Variants in DLGAP1 observed in about 807,000 individuals in gnomAD.
DLGAP1 encodes the protein DLG associated protein 1, also known as disks large-associated protein 1.
DLGAP1 carries 11 observed loss-of-function variants against 90.8 expected under a neutral mutation model. That is an observed-to-expected ratio of 0.12 (90% confidence interval 0.08 to 0.20). The LOEUF (loss-of-function observed/expected upper bound fraction) is 0.20, where lower values mean the gene tolerates loss of function less well. Ranked by LOEUF, DLGAP1 falls within the 10% of genes least tolerant of loss-of-function variation. DLGAP1 has a pLI of 1.00. For synonymous variants in DLGAP1, 558 were observed against 540.7 expected, an observed-to-expected ratio of 1.03 and a Z score of -0.44; for missense variants, 1,050 against 1,333.8, an observed-to-expected ratio of 0.79 and a Z score of 3.31.
At position 3,498,995 on chromosome 18, in the gene DLGAP1, C is replaced by G. The variant is rs2049786543; in HGVS notation, c.*190G>C. On this transcript the variant is annotated 3_prime_UTR_variant, in exon 13 of 13. Transcript: ENST00000315677. ...CTCGGTGAAGAAGGAGATGGGCAAA[C>G]GGGTACGGGAAGTGGGGGGCTGAGG... is the stretch of plus-strand genomic sequence containing the variant. 1 of 559,170 alleles carries G rather than the reference C, an allele frequency of 1.8e-6. No individual in the cohort carries two copies. The highest frequency in any genetic ancestry group is 3.1e-6 in the Non-Finnish European group (1 of 324,396). The allele number at this position is 559,170 out of a possible 1,614,324, so 34.6% of individuals were successfully genotyped here.
chr18:4,080,081 G>A (rs57927418), intron 2 of DLGAP1, among the ~76,000 whole-genome samples: 4,987 of 152,180 alleles, frequency 0.033, 273 homozygotes, highest in African/African-American at 0.11. Flanking sequence ...GCTTGATGAC[G>A]TCTAGTGAAA....
chr18:4,096,922 G>A (rs2075690502), intron 2 of DLGAP1, among the ~76,000 whole-genome samples: 1 of 152,220 alleles, frequency 6.6e-6, no homozygotes, highest in African/African-American at 2.4e-5. Context: ...CATGAATTAA[G>A]TTAATGAAAG....
intron 1 of DLGAP1, among the ~76,000 whole-genome samples, chr18:4,431,572 T>C (rs1401182430): frequency 1.3e-5 from 2 of 152,216 alleles, no homozygotes; most frequent in East Asian, 3.9e-4. Context: ...AAAACCATCC[T>C]CTTTGAGGTG....
intron 1 of DLGAP1, among the ~76,000 whole-genome samples, chr18:4,163,748 G>C (rs2076886357): frequency 6.6e-6 from 1 of 152,164 alleles, no homozygotes; most frequent in Admixed American, 6.5e-5. Context: ...AAAGTTTGTA[G>C]GGCCATCTCT....
rs1568276685 is a variant in DLGAP1 at position 3,880,963 on chromosome 18, A to AAAAAG, written c.-72-828_-72-824dup. ...ATCTCAGAAAAAAAAAAAAAAAAAA[A>AAAAAG]AAAAGAAAAAGAAAACTAGGAAAAG... On this transcript the variant is annotated intron_variant, in intron 3 of 12. Coordinates refer to ENST00000315677, the MANE Select transcript of DLGAP1 (RefSeq NM_004746.4). 4.6e-5 allele frequency among the ~76,000 whole-genome samples: 7 copies of AAAAAG among 150,578 alleles called. No individual in the cohort carries two copies. The East Asian group carries it at 5.9e-4, about 13-fold the overall frequency.
chr18:3,965,277 G>A (rs2073298568), intron 3 of DLGAP1, among the ~76,000 whole-genome samples: 2 of 152,174 alleles, frequency 1.3e-5, no homozygotes, highest in Non-Finnish European at 2.9e-5. Flanking sequence ...TGGAGGACCT[G>A]AATGAAAGAC....
chr18:3,671,609 C>G (rs1184994896), intron 7 of DLGAP1, among the ~76,000 whole-genome samples: 1 of 152,150 alleles, frequency 6.6e-6, no homozygotes, highest in Non-Finnish European at 1.5e-5. Context: ...TAAGATGGAG[C>G]CAGTTGTTTT....
chr18:3,866,527 C>T (rs2070395243), intron 4 of DLGAP1, among the ~76,000 whole-genome samples: 1 of 152,114 alleles, frequency 6.6e-6, no homozygotes, highest in Non-Finnish European at 1.5e-5. Context: ...GTTCTTGCGT[C>T]CATGTGAGTA....
At chr18:3,900,869 T>A (rs941972083) in intron 3 of DLGAP1, among the ~76,000 whole-genome samples, 1 of 152,172 alleles carries the variant, frequency 6.6e-6, no homozygotes, top group Non-Finnish European at 1.5e-5. Context: ...AGAAATGGTT[T>A]AAAAGATATT....
intron 1 of DLGAP1, among the ~76,000 whole-genome samples, chr18:4,345,216 C>T (rs2081280972): frequency 1.3e-5 from 2 of 151,774 alleles, no homozygotes; most frequent in Non-Finnish European, 2.9e-5. Flanking sequence ...CATGGCTCCC[C>T]TTTTTTTTAA....
At chr18:3,856,212 G>A (rs993846062) in intron 4 of DLGAP1, among the ~76,000 whole-genome samples, 54 of 152,082 alleles carry the variant, frequency 3.6e-4, no homozygotes, top group Admixed American at 2.9e-3. Flanking sequence ...AGGTTACTAA[G>A]TAAATACAAA....
chr18:3,743,487 TG>T (rs1031184801), intron 5 of DLGAP1, among the ~76,000 whole-genome samples: 3 of 151,118 alleles, frequency 2.0e-5, no homozygotes, highest in African/African-American at 7.3e-5. Context: ...CCCGAGTAGC[TG>T]GGACTACAGG....
intron 2 of DLGAP1, among the ~76,000 whole-genome samples, chr18:4,048,526 T>A (rs539794205): frequency 5.3e-5 from 8 of 152,292 alleles, no homozygotes; most frequent in African/African-American, 1.9e-4. Flanking sequence ...ACTCATCCAG[T>A]GTAATAATTT....
At chr18:3,821,606 GTGT>G (rs1411875408) in intron 4 of DLGAP1, among the ~76,000 whole-genome samples, 3 of 152,208 alleles carry the variant, frequency 2.0e-5, no homozygotes, top group Non-Finnish European at 2.9e-5. Context: ...AAGTGAAAGA[GTGT>G]TGTTGTTTCC....
chr18:4,243,321 A>G (rs1354858373), intron 1 of DLGAP1, among the ~76,000 whole-genome samples: 1 of 152,214 alleles, frequency 6.6e-6, no homozygotes, highest in African/African-American at 2.4e-5. Flanking sequence ...CAAAACTCAT[A>G]AGTCTGATTG....
At chr18:3,600,973 GAT>G (rs1362666723) in intron 7 of DLGAP1, among the ~76,000 whole-genome samples, 1 of 109,056 alleles carries the variant, frequency 9.2e-6, no homozygotes, top group Non-Finnish European at 1.9e-5. Flanking sequence ...TATATAGATA[GAT>G]ATATAGATAT....
chr18:3,758,337 A>G (rs1035260832), intron 5 of DLGAP1, among the ~76,000 whole-genome samples: 14 of 152,150 alleles, frequency 9.2e-5, no homozygotes, highest in Non-Finnish European at 2.1e-4. Context: ...GTGACTTTAA[A>G]CTCTTGGGAT....
Position 3,879,672 on chromosome 18 carries a change from C to T in DLGAP1, c.397G>A (p.Asp133Asn), listed in dbSNP as rs1426750104. The T allele has an allele frequency of 1.9e-6, 3 of 1,606,512 alleles. No homozygotes were observed. In the South Asian group the frequency reaches 3.3e-5, roughly 18 times the overall value. The change falls in exon 4 of 13, where the codon GAC becomes AAC. Residue 133 changes from aspartate (D) to asparagine (N), a missense_variant. By Grantham distance (23) the Asp-to-Asn change is conservative. This residue lies in a region of DLGAP1 where 485 missense variants were observed against 454.1 expected (regional missense o/e 1.07). Coordinates refer to ENST00000315677, the MANE Select transcript of DLGAP1 (RefSeq NM_004746.4). This position sits in a 1 kb window ranked among gnomAD's most constrained non-coding sequence, Gnocchi z 6.6. Reference protein sequence around the residue: ...YKRTAVEHRSDSPGRIRHLVH... With the variant: ...YKRTAVEHRSNSPGRIRHLVH... Reference sequence around the variant, plus strand: ...AGGTGGCGGATGCGGCCGGGGCTGTCGCTGCGGTGCTCCACGGCCGTGCGC... The same window carrying T: ...AGGTGGCGGATGCGGCCGGGGCTGTTGCTGCGGTGCTCCACGGCCGTGCGC...
At chr18:3,941,545 A>G (rs1480921167) in intron 3 of DLGAP1, among the ~76,000 whole-genome samples, 1 of 152,244 alleles carries the variant, frequency 6.6e-6, no homozygotes, top group Admixed American at 6.5e-5. Context: ...AAGGACAAAG[A>G]GGAAAATTAT....
Sources: gnomAD v4.1 joint callset for allele counts (sites outside exome capture counted in the v4.1 genomes callset) on GRCh38, gnomAD v4.1.1 for gene constraint, gnomAD v4.1.1 regional missense constraint, Gnocchi (gnomAD v3.1) non-coding constraint, MANE v1.5 for transcripts, NCBI Gene and HGNC (gene_info 2026-07-23, HGNC 2026-07-21) for gene names.